Variants in NCKAP5 observed in about 807,000 individuals in gnomAD.
NCKAP5 encodes NCK associated protein 5.
NCKAP5 carries 92 observed loss-of-function variants against 167.0 expected under a neutral mutation model. The observed-to-expected ratio is 0.55, with a 90% CI of 0.47 to 0.66. The LOEUF (loss-of-function observed/expected upper bound fraction) is 0.66, where lower values mean the gene tolerates loss of function less well. NCKAP5 is among the 30% of genes least tolerant of loss of function. The pLI is 0.00. For missense variants in NCKAP5, 2,378 were observed against 2,315.0 expected (o/e 1.03, Z -0.56); for synonymous variants, 891 against 877.4 (o/e 1.02, Z -0.27).
intron 3 of NCKAP5, among the ~76,000 whole-genome samples, chr2:133,386,028 T>A (rs1220766574): frequency 6.6e-6 from 1 of 152,200 alleles, no homozygotes; most frequent in African/African-American, 2.4e-5. Flanking sequence ...TTTGAAGGGT[T>A]CTTTGTGTCT....
At chr2:132,800,906 G>T (rs1306216613) in intron 11 of NCKAP5, among the ~76,000 whole-genome samples, 1 of 152,124 alleles carries the variant, frequency 6.6e-6, no homozygotes. Context: ...CAGTGGCAGG[G>T]ACTAGCTGGG....
chr2:132,680,184 A>T (rs1685036362), intron 19 of NCKAP5, among the ~76,000 whole-genome samples: 2 of 150,568 alleles, frequency 1.3e-5, no homozygotes, highest in Admixed American at 1.3e-4. Context: ...TATTACCTCA[A>T]CTGGACACAT....
intron 11 of NCKAP5, among the ~76,000 whole-genome samples, chr2:132,839,075 C>G (rs1688105428): frequency 3.3e-5 from 5 of 152,088 alleles, no homozygotes; most frequent in Admixed American, 2.6e-4. Context: ...TTTTCTTGTC[C>G]ATTTGTAAGA....
At chr2:133,250,399 G>A (rs1202990057) in intron 4 of NCKAP5, among the ~76,000 whole-genome samples, 1 of 152,076 alleles carries the variant, frequency 6.6e-6, no homozygotes, top group Admixed American at 6.6e-5. Flanking sequence ...CACCAGCTTA[G>A]GGCATGTAAG....
At chr2:133,123,858 A>G (rs2082322001) in intron 6 of NCKAP5, 2 of 470,014 alleles carry the variant, frequency 4.3e-6, no homozygotes, top group African/African-American at 4.0e-5. Context: ...AAGGGAGTAC[A>G]TGGGTAGAAC....
intron 16 of NCKAP5, among the ~76,000 whole-genome samples, chr2:132,764,841 G>A (rs1055149040): frequency 4.6e-5 from 7 of 152,214 alleles, no homozygotes; most frequent in African/African-American, 1.7e-4. Context: ...GTGACAATCT[G>A]GTCAACTTTC....
At position 132,731,627 on chromosome 2, in the gene NCKAP5, A is replaced by G. The variant is rs371641717; in HGVS notation, c.5443+110T>C. On this transcript the variant is annotated intron_variant, in intron 17 of 19. Coordinates refer to ENST00000409261, the MANE Select transcript of NCKAP5 (RefSeq NM_207363.3). Reference sequence around the variant, plus strand: ...GTGAAGGACATGAAGGAATTTTCACATATCTACATTTTTATCAGGCAGGTC... The same window carrying G: ...GTGAAGGACATGAAGGAATTTTCACGTATCTACATTTTTATCAGGCAGGTC... The G allele has an allele frequency of 2.5e-6, 3 of 1,184,482 alleles. No homozygotes were observed. In the African/African-American group the frequency reaches 4.6e-5, roughly 18 times the overall value. The allele number at this position is 1,184,482 out of a possible 1,614,324, so 73.4% of individuals were successfully genotyped here. A position where few individuals can be genotyped will look rare whatever the true frequency, so the allele number is the denominator to read the frequency against.
At chr2:132,737,703 C>T (rs1314319688) in intron 16 of NCKAP5, among the ~76,000 whole-genome samples, 3 of 152,152 alleles carry the variant, frequency 2.0e-5, no homozygotes, top group East Asian at 1.9e-4. Context: ...TATAGGGGTG[C>T]TTTGAGGACT....
At chr2:133,205,261 C>T (rs1002422764) in intron 5 of NCKAP5, among the ~76,000 whole-genome samples, 4 of 146,646 alleles carry the variant, frequency 2.7e-5, no homozygotes, top group African/African-American at 7.5e-5. Flanking sequence ...CACTGCACTC[C>T]AGTCTGGGTA....
intron 8 of NCKAP5, among the ~76,000 whole-genome samples, chr2:132,916,342 G>A (rs1444908269): frequency 6.6e-6 from 1 of 151,980 alleles, no homozygotes; most frequent in Non-Finnish European, 1.5e-5. Flanking sequence ...ACCTTACTTT[G>A]CATGGGGCTG....
At chr2:133,560,175 G>A (rs1029416814) in intron 1 of NCKAP5, among the ~76,000 whole-genome samples, 1 of 152,208 alleles carries the variant, frequency 6.6e-6, no homozygotes, top group African/African-American at 2.4e-5. Flanking sequence ...AATGCCATCA[G>A]ATGAGGTATA....
At chr2:133,598,932 T>C in the NCKAP5 span, among the ~76,000 whole-genome samples, 1 of 152,198 alleles carries the variant, frequency 6.6e-6, no homozygotes, top group Non-Finnish European at 1.5e-5. Flanking sequence ...TTGCTGGCAG[T>C]CCTTGCTATT....
Position 132,950,437 on chromosome 2 carries a change from A to G in NCKAP5, c.579+13283T>C, listed in dbSNP as rs771020432. Among the ~76,000 whole-genome samples, 28 of 152,288 alleles carry G rather than the reference A, an allele frequency of 1.8e-4. 1 individual carries two copies. In the South Asian group the frequency reaches 5.8e-3, roughly 32 times the overall value. The stretch of plus-strand genomic sequence containing the variant: ...AGCATGGCTTAGATTCCATGTGATG[A>G]TCCATGAAGCTCTTATACCTTTGCA... On this transcript the variant is annotated intron_variant, in intron 8 of 19. Coordinates refer to ENST00000409261, the MANE Select transcript of NCKAP5 (RefSeq NM_207363.3).
chr2:133,632,343 T>C, the NCKAP5 span, among the ~76,000 whole-genome samples: 2 of 152,260 alleles, frequency 1.3e-5, no homozygotes. Context: ...CTTTTTTGCC[T>C]TCGGCAAATT....
intron 6 of NCKAP5, among the ~76,000 whole-genome samples, chr2:133,107,202 C>A (rs945147042): frequency 1.2e-4 from 19 of 152,168 alleles, no homozygotes; most frequent in Admixed American, 4.6e-4. Flanking sequence ...GAAGGGACCA[C>A]GGCCAGCGCC....
Position 133,007,734 on chromosome 2 carries a change from G to A in NCKAP5, c.342-13495C>T, listed in dbSNP as rs118008748. Among the ~76,000 whole-genome samples the A allele has an allele frequency of 1.4e-3, 209 of 152,184 alleles. 2 individuals carry two copies. The highest frequency in any genetic ancestry group is 0.012 in the East Asian group (60 of 5,174). ...CAACACCCCTTTCAGTCCAAAAATC[G>A]TCCTGGTTTGGATGATAAAGATTAT... On this transcript the variant is annotated intron_variant, in intron 6 of 19. Transcript: ENST00000409261.
Position 133,342,481 on chromosome 2 carries a change from TC to T in NCKAP5, c.70-39372del, listed in dbSNP as rs113907859. ...CTCCTTTTCATGCAAATCATCTTCATCCCATCCAGAGTAGGCTGTGTGAGCC... is the reference window on the plus strand; with the variant it reads ...CTCCTTTTCATGCAAATCATCTTCATCCATCCAGAGTAGGCTGTGTGAGCC... On this transcript the variant is annotated intron_variant, in intron 3 of 19. Coordinates refer to ENST00000409261, the MANE Select transcript of NCKAP5 (RefSeq NM_207363.3). 1.7e-3 allele frequency among the ~76,000 whole-genome samples: 257 copies of T among 152,276 alleles called. 3 individuals carry two copies. The highest frequency in any genetic ancestry group is 6.0e-3 in the African/African-American group (248 of 41,560).
intron 3 of NCKAP5, among the ~76,000 whole-genome samples, chr2:133,427,374 G>T (rs1689878241): frequency 6.6e-6 from 1 of 152,064 alleles, no homozygotes; most frequent in South Asian, 2.1e-4. Context: ...ACAAAAGAAG[G>T]TAAGGTAATA....
In NCKAP5 at chr2:133,468,885, A is replaced by G. The variant is rs926640171; in HGVS notation, c.69+48573T>C. On this transcript the variant is annotated intron_variant, in intron 3 of 19. Coordinates refer to ENST00000409261, the MANE Select transcript of NCKAP5 (RefSeq NM_207363.3). ...TTGGTAGATCTTCCTCCATCCTTAGATTTTGAGCCTATGTGTGTCTCTGAA... is the reference window on the plus strand; with the variant it reads ...TTGGTAGATCTTCCTCCATCCTTAGGTTTTGAGCCTATGTGTGTCTCTGAA... 2.6e-4 allele frequency among the ~76,000 whole-genome samples: 39 copies of G among 152,136 alleles called. 2 individuals are homozygous for G. Among genetic ancestry groups the G allele is most frequent in the Admixed American group, 1.6e-3 (24 of 15,282 alleles).
Sources: gnomAD v4.1 joint callset for allele counts (sites outside exome capture counted in the v4.1 genomes callset) on GRCh38, gnomAD v4.1.1 for gene constraint, MANE v1.5 for transcripts, NCBI Gene and HGNC (gene_info 2026-07-23, HGNC 2026-07-21) for gene names.